Variants in PRKN observed in about 807,000 individuals in gnomAD.
The protein encoded by PRKN is E3 ubiquitin-protein ligase parkin.
In PRKN, 56 loss-of-function variants were observed where a neutral mutation model predicts 59.5. The ratio of observed to expected loss-of-function variants is 0.94; its 90% CI spans 0.76 to 1.18. The LOEUF is 1.18. Ranked by LOEUF, PRKN falls within the 50% of genes most tolerant of loss-of-function variation. The pLI is 0.00. For missense variants in PRKN, 657 were observed against 596.4 expected, an observed-to-expected ratio of 1.10 and a Z score of -1.06; for synonymous variants, 250 against 222.1, an observed-to-expected ratio of 1.13 and a Z score of -1.12.
At chr6:161,760,638 T>C (rs1025510340) in intron 7 of PRKN, among the ~76,000 whole-genome samples, 4 of 152,066 alleles carry the variant, frequency 2.6e-5, no homozygotes, top group Non-Finnish European at 4.4e-5. Context: ...TAAAACCCTG[T>C]CTTACCCACC....
At chr6:162,721,383 A>G (rs1192313807) in intron 1 of PRKN, among the ~76,000 whole-genome samples, 1 of 152,222 alleles carries the variant, frequency 6.6e-6, no homozygotes, top group Non-Finnish European at 1.5e-5. Flanking sequence ...TCTTTCTAAA[A>G]TACAACCTGT....
In PRKN at chr6:161,582,821, T is replaced by C. The variant is rs541427264; in HGVS notation, c.872-13405A>G. ...GAGTTCAGAGCTGTCGTCTTATGAC[T>C]CAGATCCATGTTCACCCAGGTTGGG... On this transcript the variant is annotated intron_variant, in intron 7 of 11. Transcript: ENST00000366898. The surrounding 1 kb of genome is among the most constrained non-coding windows in gnomAD (Gnocchi z 4.4). Among the ~76,000 whole-genome samples the C allele has an allele frequency of 6.6e-6, 1 of 152,102 alleles. No individual in the cohort carries two copies. The highest frequency in any genetic ancestry group is 1.5e-5 in the Non-Finnish European group (1 of 68,020).
intron 2 of PRKN, among the ~76,000 whole-genome samples, chr6:162,309,973 C>T (rs775771853): frequency 1.6e-4 from 25 of 152,220 alleles, no homozygotes; most frequent in African/African-American, 6.0e-4. Context: ...TTTGGTTTTC[C>T]CTTCCTGAAT....
chr6:161,738,051 T>G (rs760205381), intron 7 of PRKN, among the ~76,000 whole-genome samples: 45 of 152,342 alleles, frequency 3.0e-4, no homozygotes, highest in Non-Finnish European at 4.3e-4. Flanking sequence ...CAATATCAAA[T>G]GTAGCAGCCT....
At position 161,592,920 on chromosome 6, in the gene PRKN, G is replaced by A. The variant is rs575184120; in HGVS notation, c.872-23504C>T. 1.1e-4 allele frequency among the ~76,000 whole-genome samples: 16 copies of A among 152,300 alleles called. No homozygotes were observed. Among genetic ancestry groups the A allele is most frequent in the South Asian group, 2.1e-4 (1 of 4,814 alleles). On this transcript the variant is annotated intron_variant, in intron 7 of 11. Transcript: ENST00000366898. This position sits in a 1 kb window ranked among gnomAD's most constrained non-coding sequence, Gnocchi z 4.8. ...GTCTCAAGGGTTGAAGTTTAATTCC[G>A]AGAGTAGGGAGAAGGCACTGGAGGA...
intron 4 of PRKN, among the ~76,000 whole-genome samples, chr6:162,135,672 G>C (rs1002736480): frequency 1.3e-5 from 2 of 152,118 alleles, no homozygotes; most frequent in African/African-American, 4.8e-5. Flanking sequence ...GTAGCTGACT[G>C]TGGATCTGCA....
chr6:162,055,034 C>T (rs568527431), intron 4 of PRKN, among the ~76,000 whole-genome samples: 9 of 152,138 alleles, frequency 5.9e-5, no homozygotes, highest in Admixed American at 2.0e-4. Flanking sequence ...TGGTGGCACG[C>T]GCCTGTAATC....
At chr6:161,914,466 G>A (rs568278501) in intron 6 of PRKN, among the ~76,000 whole-genome samples, 1 of 151,904 alleles carries the variant, frequency 6.6e-6, no homozygotes, top group Admixed American at 6.6e-5. Context: ...TGGCCAACTT[G>A]GTATGAATAG....
At chr6:162,661,623 T>C (rs1778885057) in intron 1 of PRKN, among the ~76,000 whole-genome samples, 1 of 152,194 alleles carries the variant, frequency 6.6e-6, no homozygotes, top group Non-Finnish European at 1.5e-5. Flanking sequence ...CACTTGAAGG[T>C]TCCTGTGTCC....
intron 6 of PRKN, among the ~76,000 whole-genome samples, chr6:161,965,839 C>T (rs1227944564): frequency 1.3e-5 from 2 of 152,002 alleles, no homozygotes; most frequent in African/African-American, 2.4e-5. Flanking sequence ...CAGGTTAAGA[C>T]AAAAGACTGT....
rs920084726 is a variant in PRKN at position 161,671,073 on chromosome 6, C to T, written c.872-101657G>A. ...TTCCCTCAAGCACTAAAAAATAATG[C>T]AATTTGGCTCCTGACAACATGAATC... On this transcript the variant is annotated intron_variant, in intron 7 of 11. Transcript: ENST00000366898. Among the ~76,000 whole-genome samples, 68 of 151,996 alleles carry T rather than the reference C, an allele frequency of 4.5e-4. 1 individual carries two copies. Among genetic ancestry groups the T allele is most frequent in the Non-Finnish European group, 2.9e-5 (2 of 68,014 alleles).
chr6:162,068,440 C>T (rs574813909), intron 4 of PRKN, among the ~76,000 whole-genome samples: 2 of 152,290 alleles, frequency 1.3e-5, no homozygotes, highest in East Asian at 3.9e-4. Context: ...GCTCAGAGTC[C>T]CATGAGGCCC....
chr6:162,650,035 T>TA (rs1354742495), intron 1 of PRKN, among the ~76,000 whole-genome samples: 3 of 152,214 alleles, frequency 2.0e-5, no homozygotes, highest in African/African-American at 7.2e-5. Context: ...AGCACGGACA[T>TA]ACGTGACTCT....
intron 2 of PRKN, among the ~76,000 whole-genome samples, chr6:162,407,615 T>A (rs572931072): frequency 5.9e-5 from 9 of 152,286 alleles, no homozygotes; most frequent in South Asian, 2.1e-4. Context: ...GTCTTAAAAT[T>A]ATTACATAAC....
At chr6:161,541,815 C>T (rs993696609) in intron 9 of PRKN, among the ~76,000 whole-genome samples, 2 of 150,892 alleles carry the variant, frequency 1.3e-5, no homozygotes, top group African/African-American at 2.4e-5. Flanking sequence ...AGCGAGACTC[C>T]GTCTCAAAAA....
At chr6:162,518,396 T>G (rs1777953282) in intron 1 of PRKN, among the ~76,000 whole-genome samples, 2 of 152,186 alleles carry the variant, frequency 1.3e-5, no homozygotes, top group Admixed American at 1.3e-4. Flanking sequence ...AGACAGAATC[T>G]CAACTGCTGC....
At chr6:161,863,174 A>T (rs2022989) in intron 6 of PRKN, among the ~76,000 whole-genome samples, 129,311 of 152,052 alleles carry the variant, frequency 0.85, 55,242 homozygotes, top group African/African-American at 0.92. Context: ...TGCATTTATC[A>T]CTAAAGAACA....
chr6:161,484,113 C>T lies in PRKN; in HGVS notation c.1083+64741G>A, dbSNP rs1478503605. Among the ~76,000 whole-genome samples, 1 of 152,114 alleles carries T rather than the reference C, an allele frequency of 6.6e-6. No homozygotes were observed. The highest frequency in any genetic ancestry group is 1.5e-5 in the Non-Finnish European group (1 of 68,022). On this transcript the variant is annotated intron_variant, in intron 9 of 11. Transcript: ENST00000366898. The surrounding 1 kb of genome is among the most constrained non-coding windows in gnomAD (Gnocchi z 4.9). The stretch of plus-strand genomic sequence containing the variant: ...TGATGGGTTGATCTGTGCAGCAAAA[C>T]ACCATGGCACACGTTTACCTATATA...
chr6:161,986,241 C>G (rs1221550326), intron 5 of PRKN, among the ~76,000 whole-genome samples: 2 of 152,226 alleles, frequency 1.3e-5, no homozygotes, highest in African/African-American at 4.8e-5. Flanking sequence ...CTGCTACTCT[C>G]TGCCTGCAGG....
Sources: gnomAD v4.1 joint callset for allele counts (sites outside exome capture counted in the v4.1 genomes callset) on GRCh38, gnomAD v4.1.1 for gene constraint, Gnocchi (gnomAD v3.1) non-coding constraint, MANE v1.5 for transcripts, NCBI Gene and HGNC (gene_info 2026-07-23, HGNC 2026-07-21) for gene names.